TAFA1: variants seen among roughly 807,000 people sequenced by gnomAD.
The protein encoded by TAFA1 is TAFA chemokine like family member 1.
A neutral mutation model predicts 18.5 loss-of-function variants in TAFA1; 4 were observed. The observed-to-expected ratio is 0.22, with a 90% confidence interval of 0.11 to 0.49. The LOEUF is 0.49. TAFA1 is among the 20% of genes least tolerant of loss of function. TAFA1 has a pLI of 0.98. For missense variants in TAFA1, 147 were observed against 169.0 expected (o/e 0.87, Z 0.72); for synonymous variants, 56 against 55.2 (o/e 1.01, Z -0.06).
chr3:68,013,119 A>T (rs937556498), intron 2 of TAFA1, among the ~76,000 whole-genome samples: 1 of 152,102 alleles, frequency 6.6e-6, no homozygotes, highest in Non-Finnish European at 1.5e-5. Flanking sequence ...TCATCCTTTT[A>T]TCTCTCACTT....
intron 3 of TAFA1, among the ~76,000 whole-genome samples, chr3:68,505,884 CT>C (rs35014492): frequency 0.58 from 87,049 of 150,064 alleles, 25,274 homozygotes; most frequent in East Asian, 0.74. Flanking sequence ...TATTCTATTT[CT>C]TTTTTTTTTT....
chr3:68,365,266 G>A (rs550847936), intron 2 of TAFA1, among the ~76,000 whole-genome samples: 1 of 152,250 alleles, frequency 6.6e-6, no homozygotes, highest in South Asian at 2.1e-4. Context: ...GTAAATGATA[G>A]ATCTAGATCT....
intron 2 of TAFA1, among the ~76,000 whole-genome samples, chr3:68,176,361 G>A (rs2066126128): frequency 6.6e-6 from 1 of 152,040 alleles, no homozygotes; most frequent in Non-Finnish European, 1.5e-5. Context: ...AAGTCCCTGT[G>A]GTCCTAGCTA....
chr3:68,122,548 C>T (rs560946545), intron 2 of TAFA1, among the ~76,000 whole-genome samples: 2 of 151,984 alleles, frequency 1.3e-5, no homozygotes, highest in Non-Finnish European at 2.9e-5. Context: ...ACACTTAATC[C>T]TGTATCAGGA....
intron 2 of TAFA1, among the ~76,000 whole-genome samples, chr3:68,037,694 G>C (rs1414016201): frequency 6.6e-6 from 1 of 152,124 alleles, no homozygotes; most frequent in Non-Finnish European, 1.5e-5. Flanking sequence ...AGTGGTTTCT[G>C]CAGGGAAGAG....
chr3:68,069,043 G>C (rs1251126457), intron 2 of TAFA1, among the ~76,000 whole-genome samples: 2 of 152,190 alleles, frequency 1.3e-5, no homozygotes, highest in Non-Finnish European at 2.9e-5. Flanking sequence ...TTTAAGAAAA[G>C]GAGTAGCTGC....
chr3:68,279,611 G>T (rs919468452), intron 2 of TAFA1, among the ~76,000 whole-genome samples: 27 of 151,870 alleles, frequency 1.8e-4, no homozygotes, highest in African/African-American at 6.3e-4. Flanking sequence ...TCTCCTTCTC[G>T]GTATCCTCCT....
At chr3:68,010,945 G>T (rs1297582550) in intron 2 of TAFA1, among the ~76,000 whole-genome samples, 1 of 152,016 alleles carries the variant, frequency 6.6e-6, no homozygotes, top group Non-Finnish European at 1.5e-5. Context: ...AATTGTTTCA[G>T]GTAATTATAA....
chr3:68,297,343 A>C (rs2068226093), intron 2 of TAFA1, among the ~76,000 whole-genome samples: 1 of 152,204 alleles, frequency 6.6e-6, no homozygotes, highest in Non-Finnish European at 1.5e-5. Flanking sequence ...AGAAGCCAAC[A>C]GTTAGCATGG....
At chr3:68,003,427 G>A (rs909034893), upstream of TAFA1, among the ~76,000 whole-genome samples, 1 of 152,160 alleles carries the variant, frequency 6.6e-6, no homozygotes, top group African/African-American at 2.4e-5. Context: ...CTATAACAGT[G>A]GGGATCTCAT....
At chr3:68,415,149 GT>G (rs752317621) in intron 2 of TAFA1, among the ~76,000 whole-genome samples, 6 of 152,142 alleles carry the variant, frequency 3.9e-5, no homozygotes, top group Non-Finnish European at 5.9e-5. Context: ...TCTAGTCATT[GT>G]TTTGCACGAG....
At chr3:68,532,027 G>A (rs370571050) in intron 3 of TAFA1, among the ~76,000 whole-genome samples, 19 of 152,090 alleles carry the variant, frequency 1.2e-4, no homozygotes, top group African/African-American at 4.6e-4. Context: ...TTCTTATGCA[G>A]GGTTGAGGAG....
intron 2 of TAFA1, among the ~76,000 whole-genome samples, chr3:68,061,277 A>G (rs1575596413): frequency 6.6e-6 from 1 of 152,302 alleles, no homozygotes; most frequent in East Asian, 1.9e-4. Context: ...TTTCATCTTG[A>G]TTATGAAAAT....
At chr3:68,130,688 T>A (rs1343400882) in intron 2 of TAFA1, among the ~76,000 whole-genome samples, 7 of 152,186 alleles carry the variant, frequency 4.6e-5, no homozygotes, top group Non-Finnish European at 1.0e-4. Context: ...CCCCTCCTGC[T>A]ACATTCCAGT....
intron 2 of TAFA1, among the ~76,000 whole-genome samples, chr3:68,289,038 C>T (rs1391863094): frequency 6.6e-6 from 1 of 152,126 alleles, no homozygotes; most frequent in Admixed American, 6.6e-5. Context: ...AAGTGAAAAC[C>T]ACATATCATA....
At chr3:68,354,884 G>A (rs956496724) in intron 2 of TAFA1, among the ~76,000 whole-genome samples, 2 of 152,094 alleles carry the variant, frequency 1.3e-5, no homozygotes, top group South Asian at 2.1e-4. Context: ...AGAGGGCAGA[G>A]CCTTTATGCC....
chr3:68,368,035 A>G (rs952877650), intron 2 of TAFA1, among the ~76,000 whole-genome samples: 4 of 152,178 alleles, frequency 2.6e-5, no homozygotes, highest in African/African-American at 7.2e-5. Context: ...ATCCCCAGTG[A>G]TACTCTAAAA....
At chr3:68,116,631 C>T (rs565799446) in intron 2 of TAFA1, among the ~76,000 whole-genome samples, 2 of 152,172 alleles carry the variant, frequency 1.3e-5, no homozygotes, top group Non-Finnish European at 1.5e-5. Context: ...AGTTTCAGGT[C>T]ATCAAAATTT....
intron 2 of TAFA1, among the ~76,000 whole-genome samples, chr3:68,273,450 C>T (rs1353753567): frequency 2.0e-5 from 3 of 152,208 alleles, no homozygotes; most frequent in Non-Finnish European, 4.4e-5. Flanking sequence ...CTTATTTCAT[C>T]CTCATAACCC....
Sources: allele counts gnomAD v4.1 joint callset (sites outside exome capture counted in the v4.1 genomes callset), GRCh38; gene constraint gnomAD v4.1.1; transcripts MANE v1.5; gene names NCBI Gene and HGNC (gene_info 2026-07-23, HGNC 2026-07-21).